ALG12: variants seen among roughly 807,000 people sequenced by gnomAD.
The protein encoded by ALG12 is dol-P-Man:Man(7)GlcNAc(2)-PP-Dol alpha-1,6-mannosyltransferase.
ALG12 carries 36 observed loss-of-function variants against 46.0 expected under a neutral mutation model. The ratio of observed to expected loss-of-function variants is 0.78; its 90% confidence interval spans 0.60 to 1.03. The LOEUF is 1.03. Among genes scored for constraint, ALG12 ranks in the 50% least tolerant of loss-of-function variants. The pLI is 0.00. For synonymous variants in ALG12, 326 were observed against 291.6 expected, an observed-to-expected ratio of 1.12 and a Z score of -1.20; for missense variants, 599 against 633.5, an observed-to-expected ratio of 0.95 and a Z score of 0.58.
chr22:49,883,989 C>A, the ALG12 span: 1 of 1,613,062 alleles, frequency 6.2e-7, no homozygotes, highest in South Asian at 1.1e-5. Context: ...TCCTTTCCAG[C>A]CGGAACATGA....
At chr22:49,899,037 T>A (rs1422871653), downstream of ALG12, among the ~76,000 whole-genome samples, 1 of 152,058 alleles carries the variant, frequency 6.6e-6, no homozygotes, top group East Asian at 1.9e-4. Context: ...CACCTGCGAT[T>A]CCAGCACTTT....
chr22:49,896,134 C>T (rs1020295049), downstream of ALG12, among the ~76,000 whole-genome samples: 2 of 152,210 alleles, frequency 1.3e-5, no homozygotes, highest in Admixed American at 1.3e-4. Context: ...CCAGAGGAAA[C>T]CCACTGGTGT....
At chr22:49,885,531 C>T in the ALG12 span, 1 of 1,608,188 alleles carries the variant, frequency 6.2e-7, no homozygotes, top group African/African-American at 1.3e-5. Context: ...CTCGGCCCTC[C>T]TCTCCGGACA....
the ALG12 span, among the ~76,000 whole-genome samples, chr22:49,877,129 C>G: frequency 6.6e-6 from 1 of 151,916 alleles, no homozygotes; most frequent in Non-Finnish European, 1.5e-5. Context: ...AATTTTTTTT[C>G]CTAAACGAGA....
intron 1 of ALG12, among the ~76,000 whole-genome samples, chr22:49,914,789 G>A (rs9616372): frequency 0.078 from 11,954 of 152,302 alleles, 586 homozygotes; most frequent in South Asian, 0.12. Flanking sequence ...AAGCTGGAGT[G>A]CAGTGGAGTG....
Position 49,905,926 on chromosome 22 carries a change from TG to T in ALG12, c.993-1421del, listed in dbSNP as rs1175876810. On this transcript the variant is annotated intron_variant, in intron 7 of 9. Transcript: ENST00000330817. This position sits in a 1 kb window ranked among gnomAD's most constrained non-coding sequence, Gnocchi z 4.9. Reference sequence around the variant, plus strand: ...CCTTTGTTCCCGCCCAAACCTGGAGTGGGCAGTCACTGTGGAAAGCTCGCAA... The same window carrying T: ...CCTTTGTTCCCGCCCAAACCTGGAGTGGCAGTCACTGTGGAAAGCTCGCAA... Among the ~76,000 whole-genome samples, 1 of 151,906 alleles carries T rather than the reference TG, an allele frequency of 6.6e-6. No individual in the cohort carries two copies. The highest frequency in any genetic ancestry group is 2.4e-5 in the African/African-American group (1 of 41,342).
the ALG12 span, among the ~76,000 whole-genome samples, chr22:49,872,748 A>G: frequency 6.6e-6 from 1 of 150,570 alleles, no homozygotes; most frequent in East Asian, 2.0e-4. Flanking sequence ...TCCATCGCCC[A>G]GGCTGGAGTG....
At chr22:49,872,653 C>A in the ALG12 span, among the ~76,000 whole-genome samples, 1 of 152,102 alleles carries the variant, frequency 6.6e-6, no homozygotes. Flanking sequence ...TCTCAGCCTG[C>A]CAGGTAGCTG....
chr22:49,915,240 GC>G (rs1366366131), intron 1 of ALG12, among the ~76,000 whole-genome samples: 2 of 152,168 alleles, frequency 1.3e-5, no homozygotes, highest in African/African-American at 2.4e-5. Context: ...GGGCGCGGTC[GC>G]TCATTCCCGT....
chr22:49,909,230 A>C lies in ALG12; in HGVS notation c.768+14T>G, dbSNP rs757447290. The stretch of plus-strand genomic sequence containing the variant: ...TCCCACCCATCGCCCTCCTGCACGG[A>C]CACTGAAGGATACCCCCCAGTTGGA... On this transcript the variant is annotated intron_variant, in intron 6 of 9. Transcript: ENST00000330817. 2 of 1,612,114 alleles carry C rather than the reference A, an allele frequency of 1.2e-6. No homozygotes were observed. Among genetic ancestry groups the C allele is most frequent in the Admixed American group, 1.7e-5 (1 of 60,016 alleles).
chr22:49,864,574 T>C, the ALG12 span, among the ~76,000 whole-genome samples: 3 of 152,110 alleles, frequency 2.0e-5, no homozygotes, highest in African/African-American at 7.2e-5. Flanking sequence ...CCCAGCACTT[T>C]GGGAGGTTGA....
At chr22:49,899,894 C>T (rs572825538), downstream of ALG12, among the ~76,000 whole-genome samples, 9 of 152,236 alleles carry the variant, frequency 5.9e-5, no homozygotes, top group African/African-American at 1.9e-4. Context: ...GCTGGAAGCT[C>T]ACACCTGTCA....
At chr22:49,909,593 T>G (rs573165577) in intron 5 of ALG12, among the ~76,000 whole-genome samples, 13 of 152,224 alleles carry the variant, frequency 8.5e-5, no homozygotes, top group African/African-American at 3.1e-4. Flanking sequence ...AGACACCAAC[T>G]GTGTCGAGGA....
the ALG12 span, among the ~76,000 whole-genome samples, chr22:49,877,688 C>T: frequency 6.6e-6 from 1 of 152,114 alleles, no homozygotes; most frequent in East Asian, 1.9e-4. Flanking sequence ...ATATAGTATG[C>T]CTAAACAGCT....
At position 49,900,822 on chromosome 22, in the gene ALG12, A is replaced by T. The variant is rs6520065; in HGVS notation, c.*3016T>A. ...CACATATTACATATGTACGTGTGCA[A>T]CTGCACGCAGCATGCCTGTCCTCCC... On this transcript the variant is annotated 3_prime_UTR_variant, in exon 10 of 10. Coordinates refer to ENST00000330817, the MANE Select transcript of ALG12 (RefSeq NM_024105.4). 54,182 of 151,944 alleles carry T rather than the reference A, an allele frequency of 0.36. 13,771 individuals carry two copies. The highest frequency in any genetic ancestry group is 0.73 in the African/African-American group (30,036 of 41,286). The allele number at this position is 151,944 out of a possible 1,614,324, so 9.4% of individuals were successfully genotyped here. A position where few individuals can be genotyped will look rare whatever the true frequency, so the allele number is the denominator to read the frequency against.
At position 49,902,284 on chromosome 22, in the gene ALG12, GC is replaced by G. The variant is rs1380247162; in HGVS notation, c.*1553del. The G allele has an allele frequency of 1.6e-5, 2 of 126,246 alleles. No homozygotes were observed. The highest frequency in any genetic ancestry group is 7.1e-5 in the African/African-American group (2 of 28,324). 7.8% of individuals were successfully genotyped at this position (126,246 alleles called of 1,614,324 possible). ...TGGTGTGTGCATGTGTGCACTGTAT[GC>G]ATAGTGTGCACGTGTGCACTGTGTG... On this transcript the variant is annotated 3_prime_UTR_variant, in exon 10 of 10. Transcript: ENST00000330817.
the ALG12 span, among the ~76,000 whole-genome samples, chr22:49,873,378 G>A: frequency 2.6e-5 from 4 of 152,196 alleles, no homozygotes; most frequent in Non-Finnish European, 4.4e-5. Context: ...GGAACTGCTG[G>A]TTGATGGAGC....
chr22:49,867,782 A>G, the ALG12 span, among the ~76,000 whole-genome samples: 1 of 152,200 alleles, frequency 6.6e-6, no homozygotes, highest in South Asian at 2.1e-4. Flanking sequence ...ACACCCATCC[A>G]TCATCAATTA....
the ALG12 span, among the ~76,000 whole-genome samples, chr22:49,881,921 T>C: frequency 6.6e-6 from 1 of 152,250 alleles, no homozygotes; most frequent in East Asian, 1.9e-4. Flanking sequence ...CATTTATTTC[T>C]GGTGGGAGCT....
Sources: allele counts gnomAD v4.1 joint callset (sites outside exome capture counted in the v4.1 genomes callset), GRCh38; gene constraint gnomAD v4.1.1; non-coding constraint Gnocchi (gnomAD v3.1); transcripts MANE v1.5; gene names NCBI Gene and HGNC (gene_info 2026-07-23, HGNC 2026-07-21).